The following LIFR variants were observed in gnomAD, a reference collection of about 807,000 sequenced individuals.
The protein encoded by LIFR is LIF receptor subunit alpha.
LIFR carries 84 observed loss-of-function variants against 122.2 expected under a neutral mutation model. The ratio of observed to expected loss-of-function variants is 0.69; its 90% CI spans 0.58 to 0.82. LIFR has a LOEUF of 0.82. Among genes scored for constraint, LIFR ranks in the 40% least tolerant of loss-of-function variants. LIFR has a pLI of 0.00. For synonymous variants in LIFR, 422 were observed against 434.7 expected, an observed-to-expected ratio of 0.97 and a Z score of 0.36; for missense variants, 1,294 against 1,311.6, an observed-to-expected ratio of 0.99 and a Z score of 0.21.
chr5:38,482,139 A>T lies in LIFR; in HGVS notation c.2750T>A (p.Phe917Tyr), dbSNP rs886060628. 1.9e-6 allele frequency: 3 copies of T among 1,584,672 alleles called. No homozygotes were observed. ...TATTTCTGTATCTTCTATTTTAGGA[A>T]ATGCTGATCGAGTTTCCAGAACCTC... ...NVEVLETRSA[F>Y]PKIEDTEIIS... The change falls in exon 20 of 20, where the codon TTT becomes TAT. Residue 917 changes from phenylalanine to tyrosine, a missense_variant. Transcript: ENST00000453190.
rs371052648 is a variant in LIFR at position 38,498,571 on chromosome 5, A to G, written c.1671+942T>C. 4.8e-4 allele frequency among the ~76,000 whole-genome samples: 73 copies of G among 152,234 alleles called. 1 individual carries two copies. The highest frequency in any genetic ancestry group is 1.7e-3 in the African/African-American group (72 of 41,554). On this transcript the variant is annotated intron_variant, in intron 12 of 19. Transcript: ENST00000453190. ...AACTACATAATTTCTACCCGAACACACTCTGACTTGGCAAATGGCGGCACC... is the reference window on the plus strand; with the variant it reads ...AACTACATAATTTCTACCCGAACACGCTCTGACTTGGCAAATGGCGGCACC...
intron 5 of LIFR, among the ~76,000 whole-genome samples, chr5:38,516,972 C>T (rs1018371875): frequency 4.7e-4 from 72 of 152,196 alleles, no homozygotes; most frequent in African/African-American, 1.6e-3. Context: ...AAACCAAACA[C>T]CGCATGTTCT....
intron 1 of LIFR, among the ~76,000 whole-genome samples, chr5:38,548,644 T>C (rs1343363643): frequency 6.6e-6 from 1 of 151,922 alleles, no homozygotes; most frequent in Non-Finnish European, 1.5e-5. Context: ...AACACCTCTA[T>C]AAAAGGAAAG....
intron 1 of LIFR, 28 bp from the exon 2 acceptor site, chr5:38,530,694 T>C: frequency 1.3e-6 from 2 of 1,593,954 alleles, no homozygotes; most frequent in Non-Finnish European, 1.7e-6. Flanking sequence ...TTCCAGATGG[T>C]GTTCAGATTG....
chr5:38,520,944 T>C (rs1247117058), intron 5 of LIFR, among the ~76,000 whole-genome samples: 1 of 152,218 alleles, frequency 6.6e-6, no homozygotes, highest in Non-Finnish European at 1.5e-5. Flanking sequence ...ATACAAATTT[T>C]AGGATTGTTT....
chr5:38,567,009 T>C (rs535079238), intron 1 of LIFR, among the ~76,000 whole-genome samples: 1 of 152,338 alleles, frequency 6.6e-6, no homozygotes, highest in East Asian at 1.9e-4. Flanking sequence ...CCTGGGAACC[T>C]GCAGCGCACA....
In LIFR at chr5:38,503,956, A is replaced by C. The variant is rs1326052476; in HGVS notation, c.1437+20T>G. ...TTTTATCCAAAATAATCACAAAGGA[A>C]GTCTTTAAGAGAATCTTACCTGCTC... On this transcript the variant is annotated intron_variant, in intron 10 of 19. Coordinates refer to ENST00000453190, the MANE Select transcript of LIFR (RefSeq NM_001127671.2). 6.7e-7 allele frequency: 1 copy of C among 1,487,980 alleles called. No homozygotes were observed. The highest frequency in any genetic ancestry group is 1.7e-5 in the Admixed American group (1 of 59,324). 92.2% of individuals were successfully genotyped at this position (1,487,980 alleles called of 1,614,324 possible).
At chr5:38,507,401 T>C (rs921619281) in intron 7 of LIFR, among the ~76,000 whole-genome samples, 3 of 151,566 alleles carry the variant, frequency 2.0e-5, no homozygotes, top group South Asian at 2.1e-4. Context: ...CCGTCTCCAC[T>C]AAAAATACAA....
intron 7 of LIFR, among the ~76,000 whole-genome samples, chr5:38,507,592 TAA>T (rs1745563220): frequency 6.7e-6 from 1 of 150,348 alleles, no homozygotes; most frequent in South Asian, 2.1e-4. Context: ...AGTGATAAAT[TAA>T]AAGTCTGCAG....
At chr5:38,502,361 G>A (rs530237738) in intron 11 of LIFR, among the ~76,000 whole-genome samples, 3 of 151,998 alleles carry the variant, frequency 2.0e-5, no homozygotes, top group South Asian at 2.1e-4. Flanking sequence ...AGATTCAAAC[G>A]ATTCACTCCT....
chr5:38,494,896 T>C (rs1580026860), intron 13 of LIFR, among the ~76,000 whole-genome samples: 1 of 152,244 alleles, frequency 6.6e-6, no homozygotes, highest in East Asian at 1.9e-4. Flanking sequence ...AGAAAGTAAC[T>C]AATAGCTATA....
At chr5:38,550,332 G>A in intron 1 of LIFR, 1 of 545,822 alleles carries the variant, frequency 1.8e-6, no homozygotes, top group Non-Finnish European at 2.3e-6. Flanking sequence ...AACAATAAAT[G>A]CTAGATTTTA....
At chr5:38,491,636 A>G (rs1744599426) in intron 14 of LIFR, among the ~76,000 whole-genome samples, 1 of 152,244 alleles carries the variant, frequency 6.6e-6, no homozygotes, top group South Asian at 2.1e-4. Flanking sequence ...AGTGCCTATA[A>G]AACACCAGTG....
At chr5:38,566,856 C>T (rs1749042366) in intron 1 of LIFR, among the ~76,000 whole-genome samples, 1 of 151,720 alleles carries the variant, frequency 6.6e-6, no homozygotes, top group African/African-American at 2.4e-5. Context: ...TGTTAAAAAC[C>T]AATTCTAAAA....
At chr5:38,510,848 G>A in intron 6 of LIFR, 130 bp from the exon 7 acceptor site, 4 of 713,170 alleles carry the variant, frequency 5.6e-6, no homozygotes, top group Non-Finnish European at 4.6e-6. Flanking sequence ...CAAACTGTTA[G>A]GTGCTTTGTA....
chr5:38,528,522 T>A, intron 3 of LIFR: 1 of 605,422 alleles, frequency 1.7e-6, no homozygotes, highest in East Asian at 2.9e-5. Flanking sequence ...GCAGACTCTG[T>A]CCCCTCTTCT....
At chr5:38,507,413 A>T (rs1745548716) in intron 7 of LIFR, among the ~76,000 whole-genome samples, 1 of 151,762 alleles carries the variant, frequency 6.6e-6, no homozygotes, top group African/African-American at 2.4e-5. Flanking sequence ...AAAATACAAA[A>T]ATTAGCCGGG....
chr5:38,551,934 G>C (rs1748226384), intron 1 of LIFR, among the ~76,000 whole-genome samples: 1 of 152,146 alleles, frequency 6.6e-6, no homozygotes, highest in Non-Finnish European at 1.5e-5. Context: ...TTCACAAAAG[G>C]AAAGGTAAAG....
chr5:38,485,511 T>C, intron 17 of LIFR: 1 of 399,740 alleles, frequency 2.5e-6, no homozygotes, highest in Non-Finnish European at 4.6e-6. Flanking sequence ...ACATAACAGC[T>C]GGAGCAAAAT....
Sources: gnomAD v4.1 joint callset for allele counts (sites outside exome capture counted in the v4.1 genomes callset) on GRCh38, gnomAD v4.1.1 for gene constraint, MANE v1.5 for transcripts, NCBI Gene and HGNC (gene_info 2026-07-23, HGNC 2026-07-21) for gene names.